Variants in CCSER1 observed in about 807,000 individuals in gnomAD.
CCSER1 encodes coiled-coil serine rich protein 1.
A neutral mutation model predicts 82.0 loss-of-function variants in CCSER1; 41 were observed. The observed-to-expected ratio is 0.50, with a 90% CI of 0.39 to 0.65. The LOEUF is 0.65. CCSER1 is among the 30% of genes least tolerant of loss of function. CCSER1 has a pLI of 0.00. For synonymous variants in CCSER1, 414 were observed against 383.9 expected (o/e 1.08, Z -0.92); for missense variants, 1,119 against 1,064.2 (o/e 1.05, Z -0.72).
At chr4:91,335,718 G>A (rs978249799) in intron 10 of CCSER1, among the ~76,000 whole-genome samples, 3 of 152,046 alleles carry the variant, frequency 2.0e-5, no homozygotes, top group Admixed American at 6.6e-5. Context: ...AGAAGATACA[G>A]CATTGGGGCA....
At chr4:91,405,836 A>G (rs553915853) in intron 10 of CCSER1, among the ~76,000 whole-genome samples, 136 of 152,254 alleles carry the variant, frequency 8.9e-4, no homozygotes, top group African/African-American at 3.1e-3. Flanking sequence ...AGGTGAGGCA[A>G]TGCCCCACCC....
At chr4:90,147,804 A>G (rs555457710) in intron 1 of CCSER1, among the ~76,000 whole-genome samples, 7 of 152,298 alleles carry the variant, frequency 4.6e-5, no homozygotes, top group African/African-American at 1.7e-4. Context: ...AACATATGCT[A>G]TGTAGGTTAG....
intron 10 of CCSER1, among the ~76,000 whole-genome samples, chr4:91,102,475 G>C (rs1049587979): frequency 6.6e-6 from 1 of 152,068 alleles, no homozygotes; most frequent in South Asian, 2.1e-4. Context: ...GTAAGATTTT[G>C]TAGCTTTACA....
chr4:91,312,963 T>C (rs1229072903), intron 10 of CCSER1, among the ~76,000 whole-genome samples: 1 of 151,978 alleles, frequency 6.6e-6, no homozygotes, highest in East Asian at 1.9e-4. Context: ...CATAATTATT[T>C]GATACCCCTT....
chr4:91,198,905 A>G (rs1581756393), intron 10 of CCSER1, among the ~76,000 whole-genome samples: 1 of 152,164 alleles, frequency 6.6e-6, no homozygotes, highest in East Asian at 1.9e-4. Flanking sequence ...TGTGCTAATG[A>G]TCTTATCAAA....
At position 91,274,108 on chromosome 4, in the gene CCSER1, C is replaced by G. The variant is rs1742239380; in HGVS notation, c.2217+188114C>G. On this transcript the variant is annotated intron_variant, in intron 10 of 10. Transcript: ENST00000509176. ...AGTAAATGAGCACTTTGGTAATACA[C>G]TATCTTAGATTTGGCATCTTATTAA... Among the ~76,000 whole-genome samples, 4 of 152,202 alleles carry G rather than the reference C, an allele frequency of 2.6e-5. No homozygotes were observed. In the South Asian group the frequency reaches 8.3e-4, roughly 32 times the overall value.
In CCSER1 at chr4:90,240,034, G is replaced by A. The variant is rs772953005; in HGVS notation, c.-41-68210G>A. On this transcript the variant is annotated intron_variant, in intron 1 of 10. Transcript: ENST00000509176. ...AGCTAAAGGAGTGTAACCAAAGAAT[G>A]ACAAACTTGGAAGAGGATCAGATCT... Among the ~76,000 whole-genome samples the A allele has an allele frequency of 6.6e-5, 10 of 152,288 alleles. No individual in the cohort carries two copies. In the East Asian group the frequency reaches 1.9e-3, roughly 29 times the overall value.
chr4:90,289,523 C>T (rs182281761), intron 1 of CCSER1, among the ~76,000 whole-genome samples: 1 of 151,808 alleles, frequency 6.6e-6, no homozygotes, highest in Non-Finnish European at 1.5e-5. Context: ...CACTATCTTT[C>T]CTCATTTCCA....
chr4:90,682,207 A>G (rs1318070504), intron 6 of CCSER1, among the ~76,000 whole-genome samples: 1 of 151,814 alleles, frequency 6.6e-6, no homozygotes, highest in Admixed American at 6.6e-5. Flanking sequence ...CTTTATACTT[A>G]TAAATTATAA....
intron 10 of CCSER1, among the ~76,000 whole-genome samples, chr4:91,380,256 A>G (rs1046764656): frequency 6.6e-6 from 1 of 152,188 alleles, no homozygotes; most frequent in Non-Finnish European, 1.5e-5. Flanking sequence ...GTAGATGTCT[A>G]TTAGGTCCAC....
At chr4:91,586,381 G>A (rs1427940271) in intron 10 of CCSER1, among the ~76,000 whole-genome samples, 1 of 151,652 alleles carries the variant, frequency 6.6e-6, no homozygotes, top group Non-Finnish European at 1.5e-5. Context: ...CCTTAGGAGA[G>A]TGAAATGAAT....
At chr4:90,219,623 T>A (rs1171145138) in intron 1 of CCSER1, among the ~76,000 whole-genome samples, 4 of 152,164 alleles carry the variant, frequency 2.6e-5, no homozygotes, top group Admixed American at 1.3e-4. Flanking sequence ...AAATCATGCC[T>A]TGCTCTTCAT....
chr4:90,541,495 A>G (rs576113778), intron 5 of CCSER1, among the ~76,000 whole-genome samples: 1 of 152,226 alleles, frequency 6.6e-6, no homozygotes, highest in South Asian at 2.1e-4. Flanking sequence ...CTTAACAACT[A>G]TGAATGTGAG....
intron 10 of CCSER1, among the ~76,000 whole-genome samples, chr4:91,363,001 C>T (rs1476113845): frequency 6.6e-6 from 1 of 151,792 alleles, no homozygotes; most frequent in Admixed American, 6.6e-5. Context: ...TTCAGACCCT[C>T]ATTGTATCCA....
intron 10 of CCSER1, among the ~76,000 whole-genome samples, chr4:91,174,959 C>A (rs1384977889): frequency 6.6e-6 from 1 of 151,992 alleles, no homozygotes; most frequent in African/African-American, 2.4e-5. Flanking sequence ...TCTCCTAATG[C>A]TATCTCTCCC....
chr4:90,601,704 T>A (rs1469393123), intron 5 of CCSER1, among the ~76,000 whole-genome samples: 1 of 151,966 alleles, frequency 6.6e-6, no homozygotes, highest in Non-Finnish European at 1.5e-5. Context: ...TGCTCCAACT[T>A]TCTCCCTAAG....
intron 5 of CCSER1, among the ~76,000 whole-genome samples, chr4:90,479,787 T>G (rs1183326006): frequency 6.6e-6 from 1 of 152,210 alleles, no homozygotes; most frequent in Non-Finnish European, 1.5e-5. Flanking sequence ...TGTTGGACAT[T>G]TGGGTTGGGT....
intron 9 of CCSER1, among the ~76,000 whole-genome samples, chr4:91,059,526 T>C (rs1241698914): frequency 1.3e-5 from 2 of 151,236 alleles, no homozygotes; most frequent in Admixed American, 1.3e-4. Flanking sequence ...CTTTCTATCA[T>C]GGTATTCTTT....
At chr4:90,227,567 G>C (rs183828491) in intron 1 of CCSER1, among the ~76,000 whole-genome samples, 1 of 152,162 alleles carries the variant, frequency 6.6e-6, no homozygotes, top group Non-Finnish European at 1.5e-5. Context: ...GGAATTTTCC[G>C]AGCAAGTAGC....
Sources: gnomAD v4.1 joint callset for allele counts (sites outside exome capture counted in the v4.1 genomes callset) on GRCh38, gnomAD v4.1.1 for gene constraint, MANE v1.5 for transcripts, NCBI Gene and HGNC (gene_info 2026-07-23, HGNC 2026-07-21) for gene names.